The following ZNF385B variants were observed in gnomAD, a reference collection of about 807,000 sequenced individuals.
ZNF385B encodes the protein zinc finger protein 385B.
Under a neutral mutation model 39.2 loss-of-function variants are expected in ZNF385B, and 23 were observed. That is an observed-to-expected ratio of 0.59 (90% CI 0.42 to 0.83). The LOEUF (loss-of-function observed/expected upper bound fraction) is 0.83. Among genes scored for constraint, ZNF385B ranks in the 40% least tolerant of loss-of-function variants. ZNF385B has a pLI of 0.00. For synonymous variants in ZNF385B, 205 were observed against 222.6 expected, an observed-to-expected ratio of 0.92 and a Z score of 0.70; for missense variants, 552 against 598.9, an observed-to-expected ratio of 0.92 and a Z score of 0.82.
At chr2:179,791,670 C>A (rs528306197) in intron 1 of ZNF385B, among the ~76,000 whole-genome samples, 1 of 152,292 alleles carries the variant, frequency 6.6e-6, no homozygotes, top group African/African-American at 2.4e-5. Flanking sequence ...CATGGCAAGC[C>A]ATTGGAAGCG....
intron 3 of ZNF385B, among the ~76,000 whole-genome samples, chr2:179,767,067 A>T (rs17774088): frequency 0.049 from 7,494 of 152,248 alleles, 264 homozygotes; most frequent in Middle Eastern, 0.099. Context: ...CAGACGACAC[A>T]ATCTTGCCAG....
intron 3 of ZNF385B, among the ~76,000 whole-genome samples, chr2:179,600,849 T>C (rs1278774899): frequency 1.3e-5 from 2 of 152,166 alleles, no homozygotes; most frequent in South Asian, 2.1e-4. Context: ...CCCAGAATTA[T>C]ATTACTCTAG....
chr2:179,470,488 C>T (rs1378860923), intron 6 of ZNF385B, among the ~76,000 whole-genome samples: 1 of 151,884 alleles, frequency 6.6e-6, no homozygotes, highest in African/African-American at 2.4e-5. Flanking sequence ...GGTTTGGCCC[C>T]CCCGGGCTAT....
intron 4 of ZNF385B, among the ~76,000 whole-genome samples, chr2:179,534,013 C>A (rs1467711982): frequency 6.6e-6 from 1 of 152,188 alleles, no homozygotes; most frequent in Non-Finnish European, 1.5e-5. Flanking sequence ...TTAATATATT[C>A]TCTTCCAATC....
chr2:179,807,893 T>TGAAAGAAAGAAAGAAAGAAAGAAAGAAA (rs139866166), intron 1 of ZNF385B, among the ~76,000 whole-genome samples: 108 of 123,624 alleles, frequency 8.7e-4, no homozygotes, highest in African/African-American at 2.4e-3. Context: ...AGACTCCGTC[T>TGAAAGAAAGAAAGAAAGAAAGAAAGAAA]GAAAGAAAGA....
At chr2:179,774,245 T>C (rs898179900) in intron 1 of ZNF385B, among the ~76,000 whole-genome samples, 5 of 151,490 alleles carry the variant, frequency 3.3e-5, no homozygotes, top group Non-Finnish European at 7.4e-5. Context: ...TATGTGGGTA[T>C]AGTGGAGGGT....
At chr2:179,537,586 C>A (rs2059655154) in intron 4 of ZNF385B, among the ~76,000 whole-genome samples, 1 of 151,772 alleles carries the variant, frequency 6.6e-6, no homozygotes, top group Non-Finnish European at 1.5e-5. Flanking sequence ...CCAAAAAATA[C>A]AAAAATTAGC....
At chr2:179,606,219 G>T (rs1173401145) in intron 3 of ZNF385B, among the ~76,000 whole-genome samples, 1 of 152,048 alleles carries the variant, frequency 6.6e-6, no homozygotes, top group Admixed American at 6.6e-5. Flanking sequence ...CAGTATGTAG[G>T]TTAAGACTGG....
chr2:179,777,346 CAAT>C (rs1485487343), intron 1 of ZNF385B, among the ~76,000 whole-genome samples: 1 of 151,922 alleles, frequency 6.6e-6, no homozygotes, highest in Non-Finnish European at 1.5e-5. Flanking sequence ...TAAAATGTCA[CAAT>C]AATTAACATG....
At chr2:179,604,377 G>A (rs946215754) in intron 3 of ZNF385B, among the ~76,000 whole-genome samples, 4 of 150,172 alleles carry the variant, frequency 2.7e-5, no homozygotes, top group African/African-American at 1.0e-4. Context: ...TAGGAAAAAG[G>A]AGCAATTTTA....
intron 1 of ZNF385B, among the ~76,000 whole-genome samples, chr2:179,811,241 C>G (rs1706713357): frequency 6.6e-6 from 1 of 152,046 alleles, no homozygotes; most frequent in African/African-American, 2.4e-5. Flanking sequence ...CCAAAACAAT[C>G]TGCAGAGTCA....
intron 1 of ZNF385B, among the ~76,000 whole-genome samples, chr2:179,820,495 T>C (rs1364251761): frequency 6.6e-6 from 1 of 152,004 alleles, no homozygotes; most frequent in Non-Finnish European, 1.5e-5. Flanking sequence ...GTTCTATCTT[T>C]ACTCTTAACA....
intron 3 of ZNF385B, among the ~76,000 whole-genome samples, chr2:179,608,842 CTGTG>C (rs60633100): frequency 0.08 from 10,691 of 134,228 alleles, 396 homozygotes; most frequent in East Asian, 0.11. Flanking sequence ...AGGGCCAAGA[CTGTG>C]TGTGTGTGTG....
At chr2:179,824,534 G>T (rs929001704) in intron 1 of ZNF385B, among the ~76,000 whole-genome samples, 2 of 152,108 alleles carry the variant, frequency 1.3e-5, no homozygotes, top group African/African-American at 4.8e-5. Context: ...AAAATACAGA[G>T]AATAAATGCT....
At chr2:179,710,374 C>A (rs192538404) in intron 3 of ZNF385B, among the ~76,000 whole-genome samples, 1 of 152,222 alleles carries the variant, frequency 6.6e-6, no homozygotes, top group African/African-American at 2.4e-5. Flanking sequence ...AATAGCAAAC[C>A]ATTCCCCAAT....
Position 179,460,248 on chromosome 2 carries a change from T to C in ZNF385B, c.716-13478A>G, listed in dbSNP as rs577109774. On this transcript the variant is annotated intron_variant, in intron 6 of 9. Coordinates refer to ENST00000410066, the MANE Select transcript of ZNF385B (RefSeq NM_152520.6). ...ATATTGAAACCTCCTTTGCAAAGAT[T>C]GAGACAGAGATATCTAACATGGCTG... is the stretch of plus-strand genomic sequence containing the variant. Among the ~76,000 whole-genome samples the C allele has an allele frequency of 7.2e-5, 11 of 152,154 alleles. No homozygotes were observed. In the East Asian group the frequency reaches 1.4e-3, roughly 19 times the overall value.
chr2:179,603,724 A>G (rs1350416990), intron 3 of ZNF385B, among the ~76,000 whole-genome samples: 1 of 152,204 alleles, frequency 6.6e-6, no homozygotes, highest in Non-Finnish European at 1.5e-5. Flanking sequence ...AGTTACTTGA[A>G]AAATCTCACA....
intron 3 of ZNF385B, among the ~76,000 whole-genome samples, chr2:179,615,595 G>A (rs1689661914): frequency 6.6e-6 from 1 of 152,210 alleles, no homozygotes; most frequent in Non-Finnish European, 1.5e-5. Context: ...ACTAAATACA[G>A]GATATTCTGC....
intron 3 of ZNF385B, among the ~76,000 whole-genome samples, chr2:179,696,410 C>T (rs1461913636): frequency 7.5e-6 from 1 of 132,474 alleles, no homozygotes; most frequent in Non-Finnish European, 1.6e-5. Context: ...AGTGTCTGAC[C>T]AACTACTTTC....
Sources: gnomAD v4.1 joint callset for allele counts (sites outside exome capture counted in the v4.1 genomes callset) on GRCh38, gnomAD v4.1.1 for gene constraint, MANE v1.5 for transcripts, NCBI Gene and HGNC (gene_info 2026-07-23, HGNC 2026-07-21) for gene names.